PROM1: variants seen among roughly 807,000 people sequenced by gnomAD.
The protein encoded by PROM1 is prominin-1.
A neutral mutation model predicts 116.9 loss-of-function variants in PROM1; 105 were observed. The ratio of observed to expected loss-of-function variants is 0.90; its 90% CI spans 0.77 to 1.06. The LOEUF (loss-of-function observed/expected upper bound fraction) is 1.06, where lower values mean the gene tolerates loss of function less well. PROM1 is among the 50% of genes least tolerant of loss of function. PROM1 has a pLI of 0.00. For synonymous variants in PROM1, 393 were observed against 387.0 expected (o/e 1.02, Z -0.18); for missense variants, 1,122 against 1,045.2 (o/e 1.07, Z -1.01).
chr4:16,081,791 T>C (rs1288488409), intron 1 of PROM1, among the ~76,000 whole-genome samples: 1 of 152,178 alleles, frequency 6.6e-6, no homozygotes, highest in Non-Finnish European at 1.5e-5. Context: ...TTCACCTCAT[T>C]GTACTAAAAC....
intron 2 of PROM1, among the ~76,000 whole-genome samples, chr4:16,048,713 C>G (rs375725180): frequency 1.3e-5 from 2 of 152,084 alleles, no homozygotes; most frequent in South Asian, 2.1e-4. Context: ...AATGGTGGCA[C>G]GAACTCACTC....
chr4:16,018,220 T>C, intron 9 of PROM1, 103 bp downstream of exon 9: 1 of 1,103,188 alleles, frequency 9.1e-7, no homozygotes, highest in Non-Finnish European at 1.3e-6. Flanking sequence ...CTAACTGTTC[T>C]CCAAGTCAGG....
At chr4:15,978,756 C>T (rs1467794192) in intron 26 of PROM1, among the ~76,000 whole-genome samples, 2 of 152,214 alleles carry the variant, frequency 1.3e-5, no homozygotes, top group Admixed American at 6.5e-5. Context: ...CACACTATGT[C>T]TCCACCTCTT....
chr4:15,988,252 G>A (rs1415956954), intron 19 of PROM1, among the ~76,000 whole-genome samples: 3 of 152,176 alleles, frequency 2.0e-5, no homozygotes, highest in Non-Finnish European at 4.4e-5. Flanking sequence ...AAGCTGTGAA[G>A]AACAGCAAAT....
Position 15,985,985 on chromosome 4 carries a change from G to T in PROM1, c.2183C>A (p.Thr728Lys), listed in dbSNP as rs780086271. The T allele has an allele frequency of 7.3e-7, 1 of 1,366,594 alleles. No homozygotes were observed. Among genetic ancestry groups the T allele is most frequent in the Non-Finnish European group, 9.7e-7 (1 of 1,031,660 alleles). The allele number at this position is 1,366,594 out of a possible 1,614,324, so 84.7% of individuals were successfully genotyped here. Reference sequence around the variant, plus strand: ...AATAATAACAGAGGAAGTATTGTTTGTGATGAAGTTCTGAGCAAAATCCAG... The same window carrying T: ...AATAATAACAGAGGAAGTATTGTTTTTGATGAAGTTCTGAGCAAAATCCAG... Reference protein sequence around the residue: ...ASLDFAQNFITNNTSSVIIEE... With the variant: ...ASLDFAQNFIKNNTSSVIIEE... Residue 728 changes from threonine to lysine, a missense_variant, in exon 21 of 28, where the codon ACA becomes AAA. Coordinates refer to ENST00000447510, the MANE Select transcript of PROM1 (RefSeq NM_006017.3).
At chr4:16,073,145 A>G (rs536855164) in intron 2 of PROM1, among the ~76,000 whole-genome samples, 40 of 152,298 alleles carry the variant, frequency 2.6e-4, no homozygotes, top group African/African-American at 9.6e-4. Context: ...TATCGGCTGT[A>G]TCTGGCCAGC....
intron 1 of PROM1, chr4:16,079,231 G>T (rs1294480712): frequency 6.6e-6 from 1 of 152,200 alleles, no homozygotes; most frequent in African/African-American, 2.4e-5. Context: ...ACTGCCAAGG[G>T]AAGAACTATG....
chr4:16,020,461 C>T (rs571647084), intron 8 of PROM1, among the ~76,000 whole-genome samples: 2 of 151,974 alleles, frequency 1.3e-5, no homozygotes, highest in African/African-American at 2.4e-5. Flanking sequence ...AAATATTAAC[C>T]ACAGCAAAAC....
chr4:15,974,538 G>A (rs1365498292), intron 26 of PROM1, among the ~76,000 whole-genome samples: 3 of 152,182 alleles, frequency 2.0e-5, no homozygotes, highest in East Asian at 1.9e-4. Flanking sequence ...CCTGGGAAAC[G>A]CTCCATGAAG....
intron 1 of PROM1, among the ~76,000 whole-genome samples, chr4:16,082,868 C>A (rs1284082629): frequency 6.6e-6 from 1 of 152,068 alleles, no homozygotes; most frequent in Non-Finnish European, 1.5e-5. Flanking sequence ...TTTCTACAGC[C>A]GTGAAGCTCC....
At chr4:15,975,334 C>T (rs1715839710) in intron 26 of PROM1, among the ~76,000 whole-genome samples, 1 of 152,194 alleles carries the variant, frequency 6.6e-6, no homozygotes, top group Admixed American at 6.5e-5. Context: ...ATTCTCCTGC[C>T]TCAGCCTCCC....
At chr4:16,071,547 G>T (rs144157475) in intron 2 of PROM1, among the ~76,000 whole-genome samples, 20 of 152,284 alleles carry the variant, frequency 1.3e-4, no homozygotes, top group Admixed American at 1.2e-3. Context: ...TCATAAGGGT[G>T]AGACCTTCAT....
chr4:16,047,222 T>TGA (rs966122392), intron 2 of PROM1, among the ~76,000 whole-genome samples: 1 of 151,930 alleles, frequency 6.6e-6, no homozygotes, highest in Non-Finnish European at 1.5e-5. Context: ...TCTTTTTTTT[T>TGA]GAGAGAGAGA....
chr4:16,020,230 T>G (rs1729504093), intron 8 of PROM1, among the ~76,000 whole-genome samples: 1 of 152,222 alleles, frequency 6.6e-6, no homozygotes, highest in Non-Finnish European at 1.5e-5. Flanking sequence ...TGGTCTCAAA[T>G]TTCTATCACT....
chr4:16,009,948 A>G (rs958989642), intron 11 of PROM1, among the ~76,000 whole-genome samples: 14 of 151,742 alleles, frequency 9.2e-5, no homozygotes, highest in South Asian at 2.1e-4. Context: ...AAAAAAAAAA[A>G]AAAAAAAAAG....
chr4:15,997,437 T>TTATA (rs150863529), intron 15 of PROM1, among the ~76,000 whole-genome samples: 46 of 149,080 alleles, frequency 3.1e-4, no homozygotes, highest in East Asian at 2.2e-3. Context: ...TCAGGAGTTG[T>TTATA]TATATATATA....
chr4:16,036,750 C>G (rs1284408849), intron 3 of PROM1, among the ~76,000 whole-genome samples: 1 of 152,216 alleles, frequency 6.6e-6, no homozygotes, highest in East Asian at 1.9e-4. Flanking sequence ...GGGGAACCAA[C>G]CCAACACACT....
At chr4:15,998,917 A>ACGG (rs1722994683) in intron 14 of PROM1, among the ~76,000 whole-genome samples, 2 of 152,020 alleles carry the variant, frequency 1.3e-5, no homozygotes, top group Non-Finnish European at 2.9e-5. Flanking sequence ...TCTAGTAGAA[A>ACGG]CAGCATTTCA....
At chr4:16,023,675 A>G (rs1245422117) in intron 7 of PROM1, among the ~76,000 whole-genome samples, 2 of 152,330 alleles carry the variant, frequency 1.3e-5, no homozygotes, top group South Asian at 4.1e-4. Flanking sequence ...CTCTCTGTGT[A>G]TCTAACCTCT....
Sources: gnomAD v4.1 joint callset for allele counts (sites outside exome capture counted in the v4.1 genomes callset) on GRCh38, gnomAD v4.1.1 for gene constraint, MANE v1.5 for transcripts, NCBI Gene and HGNC (gene_info 2026-07-23, HGNC 2026-07-21) for gene names.